Variants in DDX27 observed in about 807,000 individuals in gnomAD.
DDX27 encodes DEAD-box helicase 27.
DDX27 carries 42 observed loss-of-function variants against 99.3 expected under a neutral mutation model. The observed-to-expected ratio is 0.42, with a 90% CI of 0.33 to 0.55. The LOEUF (loss-of-function observed/expected upper bound fraction) is 0.55. Ranked by LOEUF, DDX27 falls within the 20% of genes least tolerant of loss-of-function variation. The pLI, the probability that DDX27 is intolerant of heterozygous loss-of-function variation, is 0.07. For synonymous variants in DDX27, 329 were observed against 353.8 expected, an observed-to-expected ratio of 0.93 and a Z score of 0.79; for missense variants, 798 against 976.8, an observed-to-expected ratio of 0.82 and a Z score of 2.44.
Position 49,221,279 on chromosome 20 carries a change from G to T in DDX27, c.94-173G>T, listed in dbSNP as rs143828566. ...CCGTCTTTTTTGTATTTTTAGTAGA[G>T]ACTGCGTTTCATCATGTTGGTCAGG... On this transcript the variant is annotated intron_variant, in intron 1 of 20. Transcript: ENST00000618172. Among the ~76,000 whole-genome samples the T allele has an allele frequency of 8.2e-3, 1,241 of 152,246 alleles. 10 individuals carry two copies. Among genetic ancestry groups the T allele is most frequent in the Non-Finnish European group, 0.013 (907 of 68,028 alleles).
intron 11 of DDX27, 200 bp downstream of exon 11, chr20:49,233,909 C>A: frequency 1.7e-6 from 1 of 581,288 alleles, no homozygotes; most frequent in Non-Finnish European, 3.0e-6. Flanking sequence ...CCTCACCAAT[C>A]CTCTTTGTGT....
At position 49,241,278 on chromosome 20, in the gene DDX27, G is replaced by A. The variant is rs561448378; in HGVS notation, c.1898-615G>A. On this transcript the variant is annotated intron_variant, in intron 16 of 20. Transcript: ENST00000618172. ...CTATATTTGATGGGACAAAATAAGG[G>A]TGTATATAACTTAAATTTCTGATAA... Among the ~76,000 whole-genome samples the A allele has an allele frequency of 2.6e-5, 4 of 152,232 alleles. No homozygotes were observed. In the South Asian group the frequency reaches 6.2e-4, roughly 24 times the overall value.
Position 49,227,053 on chromosome 20 carries a change from G to A in DDX27, c.706+518G>A, listed in dbSNP as rs191498969. 2.3e-3 allele frequency among the ~76,000 whole-genome samples: 336 copies of A among 149,186 alleles called. 7 individuals are homozygous for A. The East Asian group carries it at 0.061, about 27-fold the overall frequency. ...AATTTTTTGTATTTTTAGTAGAGACGGGGTTTCACCGTTTTAGCCGGGATG... is the reference window on the plus strand; with the variant it reads ...AATTTTTTGTATTTTTAGTAGAGACAGGGTTTCACCGTTTTAGCCGGGATG... On this transcript the variant is annotated intron_variant, in intron 7 of 20. Coordinates refer to ENST00000618172, the MANE Select transcript of DDX27 (RefSeq NM_017895.8).
intron 6 of DDX27, among the ~76,000 whole-genome samples, chr20:49,225,490 C>T (rs1979852097): frequency 1.5e-5 from 2 of 129,356 alleles, no homozygotes; most frequent in South Asian, 5.0e-4. Context: ...GAGTCTCACT[C>T]TGTCGCCCAG....
chr20:49,233,691 C>A lies in DDX27; in HGVS notation c.1255C>A (p.Arg419=), dbSNP rs371321109. 2.5e-6 allele frequency: 4 copies of A among 1,613,398 alleles called. No individual in the cohort carries two copies. Among genetic ancestry groups the A allele is most frequent in the Non-Finnish European group, 2.5e-6 (3 of 1,179,784 alleles). ...IRIRPNREGD[R]EAIVAALLTR... ...GATCCGGCCTAATCGTGAAGGAGAC[C>A]GGGAAGCCATCGTGGCAGGTGGCAG... Residue 419 remains arginine, a synonymous_variant, in exon 11 of 21, where the codon CGG becomes AGG. Coordinates refer to ENST00000618172, the MANE Select transcript of DDX27 (RefSeq NM_017895.8).
At chr20:49,221,388 C>G in intron 1 of DDX27, 64 bp from the exon 2 acceptor site, 3 of 1,599,622 alleles carry the variant, frequency 1.9e-6, no homozygotes, top group Admixed American at 1.7e-5. Context: ...GTGCCTGGCC[C>G]CTTCTTGCTT....
At chr20:49,225,740 C>A (rs928084366) in intron 6 of DDX27, among the ~76,000 whole-genome samples, 4 of 152,232 alleles carry the variant, frequency 2.6e-5, no homozygotes, top group African/African-American at 9.6e-5. Flanking sequence ...CAGGCGTGAG[C>A]CACCGCGCCC....
rs758092135 is a variant in DDX27, at chr20:49,219,463, C to T, written c.15C>T (p.Leu5=). 1.5e-5 allele frequency: 25 copies of T among 1,613,896 alleles called. No individual in the cohort carries two copies. In the South Asian group the frequency reaches 2.6e-4, roughly 17 times the overall value. The change falls in exon 1 of 21, where the codon CTC becomes CTT. Residue 5 remains leucine (L), a synonymous_variant. Transcript: ENST00000618172. MLAD[L]GLIGTIGEDD... is the part of the protein sequence containing the mutation. ...TCTGCGACAACATGCTTGCGGACCT[C>T]GGCTTAATCGGAACCATAGGCGAGG...
In DDX27 at chr20:49,242,080, T is replaced by A; in HGVS notation, c.1993-3T>A. 1 of 1,614,118 alleles carries A rather than the reference T, an allele frequency of 6.2e-7. No individual in the cohort carries two copies. The highest frequency in any genetic ancestry group is 8.5e-7 in the Non-Finnish European group (1 of 1,179,996). ...CACACTCACACCTCCCCACTCCCCC[T>A]AGGCAGAGGAAAGGTCTCAGTTTGA... On this transcript the variant is annotated splice_polypyrimidine_tract_variant and splice_region_variant and intron_variant, in intron 17 of 20. Transcript: ENST00000618172.
At chr20:49,224,732 C>A (rs1979815367) in intron 4 of DDX27, 1 of 592,690 alleles carries the variant, frequency 1.7e-6, no homozygotes, top group East Asian at 2.8e-5. Flanking sequence ...AGAGCCTGGT[C>A]TCTGGACCAG....
At chr20:49,243,564 G>C (rs557789795) in intron 19 of DDX27, 65 bp from the exon 20 acceptor site, 3 of 1,394,430 alleles carry the variant, frequency 2.2e-6, no homozygotes, top group Non-Finnish European at 3.1e-6. Context: ...TGGGGAGGGT[G>C]GGGGTGAGAC....
At chr20:49,225,013 A>C in intron 5 of DDX27, 22 bp downstream of exon 5, 1 of 1,614,074 alleles carries the variant, frequency 6.2e-7, no homozygotes, top group African/African-American at 1.3e-5. Context: ...GCTGCAAGAC[A>C]GTATGCAGCT....
intron 7 of DDX27, among the ~76,000 whole-genome samples, chr20:49,226,856 A>AATTTT (rs1568972767): frequency 7.0e-5 from 2 of 28,432 alleles, no homozygotes; most frequent in South Asian, 9.0e-4. Context: ...AGAGTAAAGG[A>AATTTT]CTTTTTTTTT....
intron 2 of DDX27, 119 bp downstream of exon 2, chr20:49,221,717 C>T (rs1979694869): frequency 1.3e-6 from 1 of 790,918 alleles, no homozygotes; most frequent in Non-Finnish European, 1.8e-6. Context: ...TACTACAACT[C>T]CTTTGAAAAT....
rs774565117 is a variant in DDX27 at position 49,225,144 on chromosome 20, A to G, written c.545A>G (p.Gln182Arg). ...GGAGGATTTTTTGAAGATGCATCTC[A>G]GTACGATGAAAACCTCTCGTTCCAG... Reference protein sequence around the residue: ...EAGGFFEDASQYDENLSFQDM... With the variant: ...EAGGFFEDASRYDENLSFQDM... The change falls in exon 6 of 21, where the codon CAG becomes CGG. Residue 182 changes from glutamine to arginine, a missense_variant. By Grantham distance (43) the Gln-to-Arg change is conservative (BLOSUM62 1). This residue lies in a region of DDX27 where 245 missense variants were observed against 248.8 expected (regional missense o/e 0.98). Coordinates refer to ENST00000618172, the MANE Select transcript of DDX27 (RefSeq NM_017895.8). 4 of 1,614,114 alleles carry G rather than the reference A, an allele frequency of 2.5e-6. No homozygotes were observed. The South Asian group carries it at 4.4e-5, about 18-fold the overall frequency.
intron 1 of DDX27, 114 bp from the exon 2 acceptor site, chr20:49,221,338 T>A (rs1342856102): frequency 2.4e-6 from 3 of 1,244,758 alleles, no homozygotes; most frequent in African/African-American, 3.0e-5. Context: ...TCTGCGTGCC[T>A]TCGCCTCCTA....
chr20:49,229,977 T>A (rs1028344279), intron 8 of DDX27, among the ~76,000 whole-genome samples: 1 of 152,232 alleles, frequency 6.6e-6, no homozygotes, highest in African/African-American at 2.4e-5. Flanking sequence ...AGTGCTTTTG[T>A]GTCATCATCA....
intron 7 of DDX27, among the ~76,000 whole-genome samples, chr20:49,226,915 T>G (rs1045642670): frequency 4.7e-5 from 6 of 128,736 alleles, no homozygotes; most frequent in Admixed American, 4.6e-4. Context: ...CAGGCTGGAG[T>G]GCAGTGGCGG....
chr20:49,236,034 T>C lies in DDX27; in HGVS notation c.1428-116T>C, dbSNP rs919589330. ...CTGGGATTACAGGCGTGAGCCACCGTGCCCAGCCTCTATCCCCATTTTAAT... is the reference window on the plus strand; with the variant it reads ...CTGGGATTACAGGCGTGAGCCACCGCGCCCAGCCTCTATCCCCATTTTAAT... On this transcript the variant is annotated intron_variant, in intron 12 of 20. Transcript: ENST00000618172. The surrounding 1 kb of genome is among the most constrained non-coding windows in gnomAD (Gnocchi z 4.1). 5.1e-5 allele frequency: 50 copies of C among 978,290 alleles called. No individual in the cohort carries two copies. Among genetic ancestry groups the C allele is most frequent in the Middle Eastern group, 5.7e-4 (2 of 3,528 alleles). 60.6% of individuals were successfully genotyped at this position (978,290 alleles called of 1,614,324 possible).
Sources: gnomAD v4.1 joint callset for allele counts (sites outside exome capture counted in the v4.1 genomes callset) on GRCh38, gnomAD v4.1.1 for gene constraint, gnomAD v4.1.1 regional missense constraint, Gnocchi (gnomAD v3.1) non-coding constraint, MANE v1.5 for transcripts, NCBI Gene and HGNC (gene_info 2026-07-23, HGNC 2026-07-21) for gene names.